The following ACYP2 variants were observed in gnomAD, a reference collection of about 807,000 sequenced individuals.
ACYP2 encodes the protein acylphosphatase-2.
Under a neutral mutation model 11.2 loss-of-function variants are expected in ACYP2, and 12 were observed. That is an observed-to-expected ratio of 1.08 (90% CI 0.69 to 1.74). ACYP2 has a LOEUF of 1.74. Among genes scored for constraint, ACYP2 ranks in the 40% most tolerant of loss-of-function variants. The pLI is 0.00. For missense variants in ACYP2, 134 were observed against 101.9 expected (o/e 1.31, Z -1.35); for synonymous variants, 43 against 32.2 (o/e 1.33, Z -1.13).
intron 2 of ACYP2, among the ~76,000 whole-genome samples, chr2:54,036,523 C>T (rs1007450239): frequency 2.6e-5 from 4 of 152,222 alleles, no homozygotes; most frequent in Non-Finnish European, 4.4e-5. Context: ...ATTCTTACTA[C>T]TGAGCAGGAT....
In ACYP2 at chr2:54,283,205, T is replaced by C. The variant is rs112024323; in HGVS notation, c.405-21483T>C. Among the ~76,000 whole-genome samples the C allele has an allele frequency of 2.0e-3, 312 of 152,354 alleles. 2 individuals are homozygous for C. Among genetic ancestry groups the C allele is most frequent in the African/African-American group, 7.2e-3 (298 of 41,586 alleles). On this transcript the variant is annotated intron_variant, in intron 6 of 6. Coordinates refer to ENST00000607452, the MANE Select transcript of ACYP2 (RefSeq NM_001320586.2). ...ACAATTCCTGTTAGATATGAATATC[T>C]TGCCTCAAGATTTTTATTAAAGAGT...
At chr2:54,063,593 C>T (rs181598677) in intron 4 of ACYP2, among the ~76,000 whole-genome samples, 194 of 152,352 alleles carry the variant, frequency 1.3e-3, no homozygotes, top group Non-Finnish European at 2.2e-3. Flanking sequence ...TATAGATTAA[C>T]TTAATTTCTC....
chr2:54,002,566 T>G (rs1340194802), intron 2 of ACYP2, among the ~76,000 whole-genome samples: 3 of 152,120 alleles, frequency 2.0e-5, no homozygotes. Context: ...TTGGCCAGGC[T>G]GGTCTTGCAC....
intron 6 of ACYP2, among the ~76,000 whole-genome samples, chr2:54,184,665 G>A (rs563814030): frequency 7.2e-5 from 11 of 152,106 alleles, no homozygotes; most frequent in African/African-American, 1.9e-4. Flanking sequence ...TTAAATAAAC[G>A]AATGTGGTAA....
At chr2:54,144,530 C>T (rs1035273983) in intron 6 of ACYP2, among the ~76,000 whole-genome samples, 2 of 151,880 alleles carry the variant, frequency 1.3e-5, no homozygotes, top group Non-Finnish European at 2.9e-5. Flanking sequence ...AAAAATTAGC[C>T]AGGCGTGGTG....
intron 6 of ACYP2, chr2:54,254,605 C>T (rs1687395635): frequency 3.7e-6 from 1 of 270,242 alleles, no homozygotes; most frequent in Non-Finnish European, 7.0e-6. Flanking sequence ...ACCAGAGGTC[C>T]TGGGAACAAA....
At chr2:54,071,733 G>A (rs1042764772) in intron 4 of ACYP2, among the ~76,000 whole-genome samples, 7 of 152,258 alleles carry the variant, frequency 4.6e-5, no homozygotes, top group African/African-American at 9.6e-5. Context: ...ACGTTAGGCC[G>A]GGTGTGGTGG....
At chr2:54,134,194 G>A (rs539114482) in intron 4 of ACYP2, among the ~76,000 whole-genome samples, 23 of 152,250 alleles carry the variant, frequency 1.5e-4, no homozygotes, top group Non-Finnish European at 2.9e-4. Context: ...CTCAGGAGGC[G>A]AGGCAGGAAG....
intron 2 of ACYP2, among the ~76,000 whole-genome samples, chr2:53,983,663 G>A (rs1671874561): frequency 6.6e-6 from 1 of 152,092 alleles, no homozygotes; most frequent in African/African-American, 2.4e-5. Flanking sequence ...TTGTAAATTG[G>A]GTTAAGAATT....
intron 6 of ACYP2, among the ~76,000 whole-genome samples, chr2:54,179,375 C>T (rs554947426): frequency 5.9e-5 from 9 of 152,148 alleles, no homozygotes; most frequent in African/African-American, 1.9e-4. Flanking sequence ...AGATCGTTAC[C>T]GGAAAGGGGT....
chr2:54,280,287 G>T (rs1011082081), intron 6 of ACYP2, among the ~76,000 whole-genome samples: 1 of 152,174 alleles, frequency 6.6e-6, no homozygotes, highest in Non-Finnish European at 1.5e-5. Flanking sequence ...TGTCCAGGGG[G>T]TGGTTGAAAG....
At chr2:53,981,966 C>T (rs1671786149) in intron 2 of ACYP2, among the ~76,000 whole-genome samples, 1 of 152,142 alleles carries the variant, frequency 6.6e-6, no homozygotes, top group African/African-American at 2.4e-5. Context: ...TTCAGCACCA[C>T]CAAAGCTTTT....
intron 2 of ACYP2, among the ~76,000 whole-genome samples, chr2:54,007,138 CAAAAAA>C (rs70944145): frequency 5.2e-4 from 27 of 52,192 alleles, no homozygotes; most frequent in African/African-American, 1.6e-3. Context: ...GACTCTGTGT[CAAAAAA>C]AAAAAAAAAA....
At chr2:54,013,631 T>A (rs1165189448) in intron 2 of ACYP2, among the ~76,000 whole-genome samples, 1 of 151,804 alleles carries the variant, frequency 6.6e-6, no homozygotes, top group Non-Finnish European at 1.5e-5. Context: ...GATGTATTAT[T>A]TATTGCCTGC....
At chr2:54,259,574 G>T (rs114814924) in intron 6 of ACYP2, among the ~76,000 whole-genome samples, 2 of 151,264 alleles carry the variant, frequency 1.3e-5, no homozygotes, top group African/African-American at 2.4e-5. Flanking sequence ...ATGTCAGTTA[G>T]TATGAGGTCT....
At chr2:54,082,337 G>A (rs887227585) in intron 4 of ACYP2, among the ~76,000 whole-genome samples, 11 of 150,456 alleles carry the variant, frequency 7.3e-5, no homozygotes, top group East Asian at 5.9e-4. Flanking sequence ...CCTCTGCCTC[G>A]CAGGTTCAAG....
chr2:54,201,753 A>G (rs899377146), intron 6 of ACYP2, among the ~76,000 whole-genome samples: 21 of 148,098 alleles, frequency 1.4e-4, no homozygotes, highest in Admixed American at 7.5e-4. Flanking sequence ...TCTGTCACCC[A>G]GGCTGGAGTA....
intron 2 of ACYP2, among the ~76,000 whole-genome samples, chr2:54,015,420 C>T (rs1673622989): frequency 6.6e-6 from 1 of 151,876 alleles, no homozygotes; most frequent in Non-Finnish European, 1.5e-5. Flanking sequence ...AGGCAGGAGA[C>T]TCGCTTGAAC....
At chr2:54,234,771 T>G (rs1029981925) in intron 6 of ACYP2, among the ~76,000 whole-genome samples, 1 of 152,246 alleles carries the variant, frequency 6.6e-6, no homozygotes, top group Non-Finnish European at 1.5e-5. Flanking sequence ...AAATGAGTTA[T>G]CCATTTGTAC....
Sources: allele counts gnomAD v4.1 joint callset (sites outside exome capture counted in the v4.1 genomes callset), GRCh38; gene constraint gnomAD v4.1.1; transcripts MANE v1.5; gene names NCBI Gene and HGNC (gene_info 2026-07-23, HGNC 2026-07-21).